Variants in GPHN observed in about 807,000 individuals in gnomAD.
GPHN encodes the protein gephyrin.
Under a neutral mutation model 95.5 loss-of-function variants are expected in GPHN, and 17 were observed. That is an observed-to-expected ratio of 0.18 (90% CI 0.12 to 0.27). GPHN has a LOEUF of 0.27. Among genes scored for constraint, GPHN ranks in the 10% least tolerant of loss-of-function variants. GPHN has a pLI of 1.00. For missense variants in GPHN, 660 were observed against 978.1 expected (o/e 0.67, Z 4.34); for synonymous variants, 320 against 322.5 (o/e 0.99, Z 0.08).
chr14:67,144,251 ATATAT>A (rs1244585441), intron 18 of GPHN, among the ~76,000 whole-genome samples: 33 of 41,250 alleles, frequency 8.0e-4, no homozygotes, highest in South Asian at 1.9e-3. Flanking sequence ...AAAAAAAAAA[ATATAT>A]ATATATATAT....
At chr14:66,588,810 C>A (rs1416802087) in intron 1 of GPHN, among the ~76,000 whole-genome samples, 1 of 152,150 alleles carries the variant, frequency 6.6e-6, no homozygotes, top group African/African-American at 2.4e-5. Context: ...AATCACTCTT[C>A]AGGATATTAT....
chr14:67,576,662 C>G, the GPHN span, among the ~76,000 whole-genome samples: 1 of 152,300 alleles, frequency 6.6e-6, no homozygotes, highest in East Asian at 1.9e-4. This position sits in a 1 kb window ranked among gnomAD's most constrained non-coding sequence, Gnocchi z 4.0. Context: ...GCCCCTCTGT[C>G]TCCGGCTGAG....
intron 10 of GPHN, among the ~76,000 whole-genome samples, chr14:67,051,039 G>C (rs2075282707): frequency 6.6e-6 from 1 of 151,290 alleles, no homozygotes; most frequent in South Asian, 2.1e-4. Flanking sequence ...GAACTGTGCA[G>C]ATTCTTGGCA....
chr14:67,078,668 A>G (rs367755401), intron 11 of GPHN, among the ~76,000 whole-genome samples: 1 of 152,152 alleles, frequency 6.6e-6, no homozygotes, highest in East Asian at 1.9e-4. Context: ...ATTTGGCTTG[A>G]CATTGAATGA....
the GPHN span, among the ~76,000 whole-genome samples, chr14:67,595,948 T>C: frequency 6.6e-6 from 1 of 152,232 alleles, no homozygotes; most frequent in East Asian, 1.9e-4. Flanking sequence ...ATTTTAGTTG[T>C]TCTGTGTTAC....
chr14:67,002,340 C>A (rs2072294213), intron 9 of GPHN, among the ~76,000 whole-genome samples: 1 of 126,868 alleles, frequency 7.9e-6, no homozygotes, highest in African/African-American at 3.0e-5. Flanking sequence ...TTTTGGATAC[C>A]TAGAGTCTCT....
rs1386820523 is a variant in GPHN, at chr14:66,746,592, AAGT to A, written c.144-29871_144-29869del. ...AAATGGGCAGATCCAGGGTGAGTAA[AAGT>A]TCAAAACAACTTTATGTAGTTGCTT... On this transcript the variant is annotated intron_variant, in intron 2 of 22. Transcript: ENST00000478722. 6.3e-3 allele frequency among the ~76,000 whole-genome samples: 966 copies of A among 152,236 alleles called. 13 individuals are homozygous for A. The highest frequency in any genetic ancestry group is 0.022 in the African/African-American group (919 of 41,530).
the GPHN span, among the ~76,000 whole-genome samples, chr14:67,332,572 C>T: frequency 1.8e-4 from 28 of 152,150 alleles, no homozygotes; most frequent in African/African-American, 6.5e-4. Context: ...TATATTGAGT[C>T]CCAGATGGTT....
intron 18 of GPHN, among the ~76,000 whole-genome samples, chr14:67,155,485 G>A (rs990632475): frequency 1.3e-5 from 2 of 152,160 alleles, no homozygotes; most frequent in Admixed American, 6.5e-5. Context: ...TACTTATATT[G>A]TCTCACATGG....
chr14:66,802,702 C>T (rs934665059), intron 3 of GPHN, among the ~76,000 whole-genome samples: 2 of 152,160 alleles, frequency 1.3e-5, no homozygotes, highest in African/African-American at 4.8e-5. Flanking sequence ...TCCTTCCCTA[C>T]AAGGCTGTGG....
intron 4 of GPHN, among the ~76,000 whole-genome samples, chr14:66,866,434 G>A (rs1248173459): frequency 1.3e-5 from 2 of 152,076 alleles, no homozygotes; most frequent in African/African-American, 4.8e-5. Flanking sequence ...GGAATATGAA[G>A]ATACGTATTC....
At chr14:67,600,237 G>A in the GPHN span, 6 of 1,506,852 alleles carry the variant, frequency 4.0e-6, no homozygotes, top group African/African-American at 2.8e-5. Flanking sequence ...ACCGCGCGGC[G>A]CTGCACTGCG....
chr14:67,371,024 CA>C, the GPHN span, among the ~76,000 whole-genome samples: 1 of 151,012 alleles, frequency 6.6e-6, no homozygotes, highest in Non-Finnish European at 1.5e-5. Context: ...GACCCTGTCT[CA>C]AAAAAAAGGA....
chr14:67,460,133 G>A, the GPHN span, among the ~76,000 whole-genome samples: 1 of 152,170 alleles, frequency 6.6e-6, no homozygotes, highest in Non-Finnish European at 1.5e-5. Context: ...AAGAAAAGGT[G>A]ACCATGTAGT....
the GPHN span, among the ~76,000 whole-genome samples, chr14:67,265,721 G>T: frequency 2.6e-5 from 4 of 151,900 alleles, no homozygotes; most frequent in Non-Finnish European, 4.4e-5. Flanking sequence ...ACCAGTTGCA[G>T]TGACACGCCC....
At chr14:66,856,634 C>A (rs1188134107) in intron 4 of GPHN, among the ~76,000 whole-genome samples, 1 of 151,972 alleles carries the variant, frequency 6.6e-6, no homozygotes, top group Non-Finnish European at 1.5e-5. Context: ...GATAACAAAA[C>A]CTTCATACCA....
intron 9 of GPHN, among the ~76,000 whole-genome samples, chr14:66,997,725 A>C (rs2071916875): frequency 6.6e-6 from 1 of 152,206 alleles, no homozygotes; most frequent in Admixed American, 6.5e-5. Flanking sequence ...TATCTTCTTC[A>C]ATTTTTAACT....
the GPHN span, chr14:67,382,418 A>G: frequency 1.3e-6 from 2 of 1,595,872 alleles, no homozygotes; most frequent in African/African-American, 1.4e-5. Context: ...AGGTACATTC[A>G]TAAATGAATT....
At chr14:67,452,665 C>T in the GPHN span, among the ~76,000 whole-genome samples, 1 of 152,026 alleles carries the variant, frequency 6.6e-6, no homozygotes, top group African/African-American at 2.4e-5. Context: ...AGAGCCAGGC[C>T]ATCTAGGTTT....
Sources: gnomAD v4.1 joint callset for allele counts (sites outside exome capture counted in the v4.1 genomes callset) on GRCh38, gnomAD v4.1.1 for gene constraint, Gnocchi (gnomAD v3.1) non-coding constraint, MANE v1.5 for transcripts, NCBI Gene and HGNC (gene_info 2026-07-23, HGNC 2026-07-21) for gene names.